CFAP61: variants seen among roughly 807,000 people sequenced by gnomAD.
CFAP61 encodes cilia and flagella associated protein 61.
CFAP61 carries 107 observed loss-of-function variants against 135.6 expected under a neutral mutation model. The ratio of observed to expected loss-of-function variants is 0.79; its 90% CI spans 0.67 to 0.93. CFAP61 has a LOEUF of 0.93. Among genes scored for constraint, CFAP61 ranks in the 40% least tolerant of loss-of-function variants. The probability of loss-of-function intolerance (pLI) is 0.00; values close to 1 mark genes in which losing one functional copy is unlikely to be tolerated. For missense variants in CFAP61, 1,507 were observed against 1,556.2 expected (o/e 0.97, Z 0.53); for synonymous variants, 575 against 578.5 (o/e 0.99, Z 0.09).
intron 17 of CFAP61, among the ~76,000 whole-genome samples, chr20:20,208,707 A>G (rs1323117995): frequency 6.6e-6 from 1 of 152,234 alleles, no homozygotes; most frequent in Non-Finnish European, 1.5e-5. Context: ...TCTAGCTTTG[A>G]CACTGAGTCT....
intron 18 of CFAP61, among the ~76,000 whole-genome samples, chr20:20,228,870 G>A (rs544283394): frequency 6.6e-6 from 1 of 152,312 alleles, no homozygotes; most frequent in Admixed American, 6.5e-5. Context: ...CCAACTTACA[G>A]AATCTGGACT....
At chr20:20,243,568 G>C (rs2050184948) in intron 18 of CFAP61, among the ~76,000 whole-genome samples, 1 of 152,054 alleles carries the variant, frequency 6.6e-6, no homozygotes, top group South Asian at 2.1e-4. Flanking sequence ...CTGCCAAGTA[G>C]CTGGGATTAC....
chr20:20,224,657 C>T (rs1043149331), intron 17 of CFAP61, among the ~76,000 whole-genome samples: 1 of 152,072 alleles, frequency 6.6e-6, no homozygotes, highest in African/African-American at 2.4e-5. Context: ...CCATTGCACT[C>T]CAGCCTGGGC....
intron 13 of CFAP61, among the ~76,000 whole-genome samples, chr20:20,172,685 C>T (rs906544464): frequency 1.3e-5 from 2 of 152,158 alleles, no homozygotes; most frequent in African/African-American, 2.4e-5. Flanking sequence ...GCAGAGAGTT[C>T]TCACAAGCCC....
chr20:20,150,420 G>A (rs367975037), intron 9 of CFAP61, among the ~76,000 whole-genome samples: 36 of 152,284 alleles, frequency 2.4e-4, no homozygotes, highest in African/African-American at 7.7e-4. Context: ...TCTCTCGAAA[G>A]TGCCACCTCC....
chr20:20,084,629 C>T (rs914012092), intron 6 of CFAP61, among the ~76,000 whole-genome samples: 1 of 152,168 alleles, frequency 6.6e-6, no homozygotes, highest in Admixed American at 6.5e-5. Flanking sequence ...CTGCGTGTCA[C>T]CCAGAGACCC....
chr20:20,151,632 C>T (rs2052421383), intron 9 of CFAP61, among the ~76,000 whole-genome samples: 1 of 151,838 alleles, frequency 6.6e-6, no homozygotes, highest in Non-Finnish European at 1.5e-5. Context: ...TGAGACCATC[C>T]TGACTAACAC....
intron 20 of CFAP61, among the ~76,000 whole-genome samples, chr20:20,259,046 A>G (rs978268790): frequency 6.6e-6 from 1 of 152,100 alleles, no homozygotes; most frequent in African/African-American, 2.4e-5. Flanking sequence ...GACATGGTGC[A>G]GGGCTTATAC....
At chr20:20,139,164 C>T (rs940278278) in intron 8 of CFAP61, among the ~76,000 whole-genome samples, 3 of 152,062 alleles carry the variant, frequency 2.0e-5, no homozygotes, top group Admixed American at 1.3e-4. Context: ...TTTTGCACTC[C>T]GTATGTATTA....
chr20:20,244,876 T>C (rs181524576), intron 18 of CFAP61, among the ~76,000 whole-genome samples: 31 of 152,368 alleles, frequency 2.0e-4, no homozygotes, highest in African/African-American at 6.3e-4. Context: ...AGAAATTTCT[T>C]CTGCCAGATA....
At chr20:20,132,979 C>T (rs1266681048) in intron 8 of CFAP61, among the ~76,000 whole-genome samples, 2 of 151,990 alleles carry the variant, frequency 1.3e-5, no homozygotes, top group Non-Finnish European at 2.9e-5. Flanking sequence ...AGTATTTAGT[C>T]CATTTACATT....
intron 2 of CFAP61, chr20:20,069,834 A>G (rs1023327619): frequency 4.5e-6 from 2 of 445,298 alleles, no homozygotes; most frequent in Admixed American, 2.4e-5. Context: ...TCCTCCTGTC[A>G]TCTCCTCTCC....
Position 20,268,850 on chromosome 20 carries a change from T to G in CFAP61, c.2503+5720T>G, listed in dbSNP as rs529201350. 2.4e-3 allele frequency among the ~76,000 whole-genome samples: 363 copies of G among 152,160 alleles called. 3 individuals carry two copies. Among genetic ancestry groups the G allele is most frequent in the African/African-American group, 7.9e-3 (329 of 41,508 alleles). On this transcript the variant is annotated intron_variant, in intron 21 of 26. Transcript: ENST00000245957. ...TGAAAGTAAAGTAAAAAAAATAAAC[T>G]ACCTTAATGGCTCAAAATGGATCAA...
intron 17 of CFAP61, among the ~76,000 whole-genome samples, chr20:20,206,529 T>C (rs1462816253): frequency 6.6e-6 from 1 of 152,232 alleles, no homozygotes; most frequent in Non-Finnish European, 1.5e-5. Context: ...ACATATACTA[T>C]GCGGTATTTT....
At chr20:20,080,100 T>G (rs1302594245) in intron 6 of CFAP61, among the ~76,000 whole-genome samples, 2 of 152,154 alleles carry the variant, frequency 1.3e-5, no homozygotes, top group Admixed American at 1.3e-4. Flanking sequence ...TACTAATTTT[T>G]TGGGGAGATG....
intron 26 of CFAP61, among the ~76,000 whole-genome samples, chr20:20,352,232 T>C (rs1200338524): frequency 6.6e-6 from 1 of 152,084 alleles, no homozygotes; most frequent in Non-Finnish European, 1.5e-5. Flanking sequence ...CTTATAACCA[T>C]CAGATCTCAT....
chr20:20,090,710 A>T (rs1000968660), intron 6 of CFAP61, 134 bp from the exon 7 acceptor site: 5 of 654,692 alleles, frequency 7.6e-6, no homozygotes, highest in Non-Finnish European at 1.2e-5. Context: ...AAAAAAAAAA[A>T]AAGAAGGAAA....
At chr20:20,227,594 A>G (rs2048833571) in intron 17 of CFAP61, among the ~76,000 whole-genome samples, 1 of 152,368 alleles carries the variant, frequency 6.6e-6, no homozygotes, top group South Asian at 2.1e-4. Context: ...TTTTGTAAAC[A>G]TGGACATTAA....
intron 13 of CFAP61, among the ~76,000 whole-genome samples, chr20:20,169,722 CA>C (rs2054086623): frequency 6.6e-6 from 1 of 152,012 alleles, no homozygotes; most frequent in Non-Finnish European, 1.5e-5. Flanking sequence ...GTAGGCAGAA[CA>C]ATGTAACACA....
Sources: allele counts gnomAD v4.1 joint callset (sites outside exome capture counted in the v4.1 genomes callset), GRCh38; gene constraint gnomAD v4.1.1; transcripts MANE v1.5; gene names NCBI Gene and HGNC (gene_info 2026-07-23, HGNC 2026-07-21).